Variants in APTX observed in about 807,000 individuals in gnomAD.
The protein encoded by APTX is aprataxin.
In APTX, 33 loss-of-function variants were observed where a neutral mutation model predicts 42.3. That is an observed-to-expected ratio of 0.78 (90% CI 0.59 to 1.04). The LOEUF (loss-of-function observed/expected upper bound fraction) is 1.04. Among genes scored for constraint, APTX ranks in the 50% least tolerant of loss-of-function variants. The probability of loss-of-function intolerance (pLI) is 0.00; values close to 1 mark genes in which losing one functional copy is unlikely to be tolerated. For synonymous variants in APTX, 130 were observed against 146.7 expected, an observed-to-expected ratio of 0.89 and a Z score of 0.82; for missense variants, 421 against 415.1, an observed-to-expected ratio of 1.01 and a Z score of -0.12.
chr9:32,973,646 A>T lies in APTX; in HGVS notation c.881T>A (p.Ile294Asn). Residue 294 changes from isoleucine to asparagine, a missense_variant, in exon 8 of 8, where the codon ATC becomes AAC. Transcript: ENST00000379817. ...TEYFLESQAV[I>N]EMVQEAGRVT... is the part of the protein sequence containing the mutation. Reference sequence around the variant, plus strand: ...TCTACCAGCCTCTTGTACCATCTCGATCACAGCTGCAGGCAAGGAAGAAAA... The same window carrying T: ...TCTACCAGCCTCTTGTACCATCTCGTTCACAGCTGCAGGCAAGGAAGAAAA... The T allele has an allele frequency of 6.2e-7, 1 of 1,613,196 alleles. No homozygotes were observed. The highest frequency in any genetic ancestry group is 2.2e-5 in the East Asian group (1 of 44,824).
intron 4 of APTX, 25 bp from the exon 5 acceptor site, chr9:32,986,055 CAAAAAAAAAAAAAA>C: frequency 1.9e-6 from 1 of 521,254 alleles, no homozygotes; most frequent in Non-Finnish European, 2.6e-6. Flanking sequence ...AAAAAAAAAA[CAAAAAAAAAAAAAA>C]ACAAGCAATG....
At chr9:32,989,522 T>A in intron 2 of APTX, 1 of 649,306 alleles carries the variant, frequency 1.5e-6, no homozygotes, top group Non-Finnish European at 2.8e-6. Flanking sequence ...CATCCCATGG[T>A]AACAGTATGA....
intron 6 of APTX, among the ~76,000 whole-genome samples, chr9:32,983,638 G>A (rs1480676188): frequency 6.6e-6 from 1 of 151,946 alleles, no homozygotes; most frequent in African/African-American, 2.4e-5. Context: ...AGTGTTGGTA[G>A]TTAAAAAAAA....
At chr9:32,987,025 C>A (rs11794608) in intron 4 of APTX, among the ~76,000 whole-genome samples, 10,702 of 151,808 alleles carry the variant, frequency 0.07, 507 homozygotes, top group Non-Finnish European at 0.11. Context: ...GTTTGCCAGG[C>A]AGGTCTCAAA....
Position 33,021,587 on chromosome 9 carries a change from C to T in APTX, c.-5+3436G>A, listed in dbSNP as rs1191079916. ...CCTATAATACCAGCACTTTGGGACA[C>T]CAAGGCAGGACAACTGCTTGAGCCC... On this transcript the variant is annotated intron_variant, in intron 1 of 6. Coordinates refer to the APTX transcript ENST00000436040. 2.0e-5 allele frequency among the ~76,000 whole-genome samples: 3 copies of T among 152,110 alleles called. No homozygotes were observed. The East Asian group carries it at 5.8e-4, about 29-fold the overall frequency.
At chr9:32,978,180 C>G (rs1295223350) in intron 6 of APTX, among the ~76,000 whole-genome samples, 2 of 152,208 alleles carry the variant, frequency 1.3e-5, no homozygotes, top group Non-Finnish European at 2.9e-5. Flanking sequence ...ACTACTGCTT[C>G]AAAAGGGTAT....
chr9:33,018,112 TATTTA>T (rs932260649), intron 1 of APTX, among the ~76,000 whole-genome samples: 3 of 150,734 alleles, frequency 2.0e-5, no homozygotes, highest in African/African-American at 7.3e-5. Flanking sequence ...TTTTATTTTT[TATTTA>T]ATTTTTTTTT....
intron 1 of APTX, among the ~76,000 whole-genome samples, chr9:33,021,301 T>C (rs1838362111): frequency 6.6e-6 from 1 of 152,178 alleles, no homozygotes; most frequent in Non-Finnish European, 1.5e-5. Context: ...TATATGTTCA[T>C]GAGTAGGAAG....
chr9:33,024,844 G>C (rs1838725331), intron 1 of APTX: 1 of 136,968 alleles, frequency 7.3e-6, no homozygotes, highest in Non-Finnish European at 1.6e-5. Flanking sequence ...CCCAAAAAGA[G>C]AAGAGGCGCC....
chr9:33,006,161 T>A (rs1837122147), upstream of APTX, among the ~76,000 whole-genome samples: 1 of 152,096 alleles, frequency 6.6e-6, no homozygotes, highest in Non-Finnish European at 1.5e-5. Flanking sequence ...GTGGCTCATG[T>A]GTGTAATCCC....
chr9:32,996,892 A>G (rs1264524592), intron 1 of APTX, among the ~76,000 whole-genome samples: 1 of 152,240 alleles, frequency 6.6e-6, no homozygotes, highest in Non-Finnish European at 1.5e-5. Context: ...CCCGGTTTTC[A>G]GCACCTTTAT....
At position 32,990,117 on chromosome 9, in the gene APTX, C is replaced by A; in HGVS notation, c.-4-222G>T. 5 of 590,456 alleles carry A rather than the reference C, an allele frequency of 8.5e-6. No individual in the cohort carries two copies. The South Asian group carries it at 1.0e-4, about 12-fold the overall frequency. The allele number at this position is 590,456 out of a possible 1,614,324, so 36.6% of individuals were successfully genotyped here. On this transcript the variant is annotated intron_variant, in intron 1 of 7. Coordinates refer to ENST00000379817, the MANE Select transcript of APTX (RefSeq NM_001195248.2). The stretch of plus-strand genomic sequence containing the variant: ...ATGAGATAATGTGAGTAAGTATTTA[C>A]CTCCCTGCCTGAATCATGCTAGGCA...
upstream of APTX, among the ~76,000 whole-genome samples, chr9:33,003,978 C>A (rs1413522192): frequency 1.3e-5 from 2 of 152,196 alleles, no homozygotes; most frequent in Non-Finnish European, 2.9e-5. Flanking sequence ...TCTTTGAGAT[C>A]CTGTTTTCAC....
At position 32,973,393 on chromosome 9, in the gene APTX, T is replaced by C. The variant is rs1657876742; in HGVS notation, c.*105A>G. 1 of 1,314,200 alleles carries C rather than the reference T, an allele frequency of 7.6e-7. No individual in the cohort carries two copies. Among genetic ancestry groups the C allele is most frequent in the African/African-American group, 1.5e-5 (1 of 68,900 alleles). 81.4% of individuals were successfully genotyped at this position (1,314,200 alleles called of 1,614,324 possible). On this transcript the variant is annotated 3_prime_UTR_variant, in exon 8 of 8. Coordinates refer to ENST00000379817, the MANE Select transcript of APTX (RefSeq NM_001195248.2). ...AGAATAAATTTGTGAAAAAGCTGCA[T>C]GTTTTAATTTAGGAAATGAGTAGAA... is the stretch of plus-strand genomic sequence containing the variant.
chr9:32,973,240 T>C lies in APTX; in HGVS notation c.*258A>G, dbSNP rs1828467150. 1 of 582,670 alleles carries C rather than the reference T, an allele frequency of 1.7e-6. No homozygotes were observed. Among genetic ancestry groups the C allele is most frequent in the Non-Finnish European group, 3.2e-6 (1 of 310,782 alleles). 36.1% of individuals were successfully genotyped at this position (582,670 alleles called of 1,614,324 possible). On this transcript the variant is annotated 3_prime_UTR_variant, in exon 8 of 8. Coordinates refer to ENST00000379817, the MANE Select transcript of APTX (RefSeq NM_001195248.2). Reference sequence around the variant, plus strand: ...TTGCTCCCAATGGTCAGACCTGACATGGGTCCTTCTGAAGATGGTGGGTCA... The same window carrying C: ...TTGCTCCCAATGGTCAGACCTGACACGGGTCCTTCTGAAGATGGTGGGTCA...
chr9:32,972,818 A>C lies in APTX; in HGVS notation c.*680T>G. On this transcript the variant is annotated 3_prime_UTR_variant, in exon 8 of 8. Coordinates refer to ENST00000379817, the MANE Select transcript of APTX (RefSeq NM_001195248.2). Reference sequence around the variant, plus strand: ...AGGTCCAAGAAGACTTCACAGCTCAATCATGACGAACATGTGGCTGTTTCC... The same window carrying C: ...AGGTCCAAGAAGACTTCACAGCTCACTCATGACGAACATGTGGCTGTTTCC... 1 of 454,136 alleles carries C rather than the reference A, an allele frequency of 2.2e-6. No individual in the cohort carries two copies. Among genetic ancestry groups the C allele is most frequent in the Non-Finnish European group, 4.4e-6 (1 of 226,802 alleles). 28.1% of individuals were successfully genotyped at this position (454,136 alleles called of 1,614,324 possible).
upstream of APTX, among the ~76,000 whole-genome samples, chr9:33,006,314 G>A (rs1304638308): frequency 1.3e-5 from 2 of 151,930 alleles, no homozygotes; most frequent in African/African-American, 2.4e-5. Context: ...TGATCTCTTG[G>A]GGGAAAAATC....
intron 1 of APTX, among the ~76,000 whole-genome samples, chr9:32,995,064 G>C (rs931094686): frequency 6.6e-6 from 1 of 152,180 alleles, no homozygotes; most frequent in African/African-American, 2.4e-5. Context: ...CAAGATCCCT[G>C]ATGGAGATAT....
intron 1 of APTX, among the ~76,000 whole-genome samples, chr9:33,021,668 A>C (rs1388201455): frequency 6.6e-6 from 1 of 152,110 alleles, no homozygotes; most frequent in Non-Finnish European, 1.5e-5. Flanking sequence ...GCACATACAA[A>C]AAAAAGGTTG....
Sources: gnomAD v4.1 joint callset for allele counts (sites outside exome capture counted in the v4.1 genomes callset) on GRCh38, gnomAD v4.1.1 for gene constraint, MANE v1.5 for transcripts, NCBI Gene and HGNC (gene_info 2026-07-23, HGNC 2026-07-21) for gene names.